MBD5: variants seen among roughly 807,000 people sequenced by gnomAD.
MBD5 encodes methyl-CpG binding domain protein 5.
Under a neutral mutation model 117.3 loss-of-function variants are expected in MBD5, and 13 were observed. The observed-to-expected ratio is 0.11, with a 90% confidence interval of 0.07 to 0.18. The LOEUF (loss-of-function observed/expected upper bound fraction) is 0.18, where lower values mean the gene tolerates loss of function less well. MBD5 is among the 10% of genes least tolerant of loss of function. MBD5 has a pLI of 1.00. For synonymous variants in MBD5, 727 were observed against 766.4 expected, an observed-to-expected ratio of 0.95 and a Z score of 0.85; for missense variants, 1,879 against 2,093.8, an observed-to-expected ratio of 0.90 and a Z score of 2.00.
rs894897396 is a variant in MBD5, at chr2:148,024,745, A to G, written c.-925+3061A>G. Among the ~76,000 whole-genome samples the G allele has an allele frequency of 6.6e-5, 10 of 152,340 alleles. No individual in the cohort carries two copies. The East Asian group carries it at 1.5e-3, about 23-fold the overall frequency. On this transcript the variant is annotated intron_variant, in intron 1 of 13. Coordinates refer to ENST00000642680, the MANE Select transcript of MBD5 (RefSeq NM_001378120.1). ...AACAAGACATATTCCCTTCTTATAC[A>G]GGAAGCAGTTTGGCAAAAGTGATAT...
chr2:148,328,931 A>C (rs1702554369), intron 3 of MBD5, among the ~76,000 whole-genome samples: 1 of 152,184 alleles, frequency 6.6e-6, no homozygotes, highest in Non-Finnish European at 1.5e-5. Context: ...TATCATTCTT[A>C]TTTCATTGTT....
intron 1 of MBD5, among the ~76,000 whole-genome samples, chr2:148,112,640 A>T (rs958308050): frequency 6.6e-6 from 1 of 152,176 alleles, no homozygotes. Context: ...TTAAATGCTT[A>T]TTGTTGAATC....
At chr2:148,154,732 G>A (rs2105696474) in intron 1 of MBD5, among the ~76,000 whole-genome samples, 1 of 152,292 alleles carries the variant, frequency 6.6e-6, no homozygotes, top group African/African-American at 2.4e-5. Flanking sequence ...GACTGGGAAA[G>A]GGAACTCCCT....
intron 1 of MBD5, among the ~76,000 whole-genome samples, chr2:148,111,688 C>CAG (rs1441650146): frequency 6.6e-6 from 1 of 151,994 alleles, no homozygotes; most frequent in Non-Finnish European, 1.5e-5. Flanking sequence ...TATATTTTCA[C>CAG]AGTGTGTGCA....
intron 6 of MBD5, 113 bp from the exon 7 acceptor site, chr2:148,463,626 G>C (rs1398798845): frequency 2.3e-6 from 3 of 1,311,040 alleles, no homozygotes; most frequent in Non-Finnish European, 3.2e-6. Flanking sequence ...ACTTGAGAAA[G>C]TTTTATTCAG....
At chr2:148,434,339 G>A (rs778509997) in intron 4 of MBD5, among the ~76,000 whole-genome samples, 3 of 151,818 alleles carry the variant, frequency 2.0e-5, no homozygotes, top group African/African-American at 2.4e-5. Context: ...GGATTCGTTC[G>A]TATTTTGTAT....
At chr2:148,438,587 C>T (rs1307252605) in intron 4 of MBD5, among the ~76,000 whole-genome samples, 1 of 151,922 alleles carries the variant, frequency 6.6e-6, no homozygotes, top group Non-Finnish European at 1.5e-5. Context: ...CAGAGTTTTC[C>T]AGAGAGAGAG....
At position 148,374,222 on chromosome 2, in the gene MBD5, A is replaced by T. The variant is rs536621084; in HGVS notation, c.-557+31886A>T. On this transcript the variant is annotated intron_variant, in intron 4 of 13. Coordinates refer to ENST00000642680, the MANE Select transcript of MBD5 (RefSeq NM_001378120.1). The stretch of plus-strand genomic sequence containing the variant: ...CACAAAGCCCATTTCCTTATTCCAA[A>T]CTAAATATGTTTATGCATACACACA... Among the ~76,000 whole-genome samples, 4 of 148,844 alleles carry T rather than the reference A, an allele frequency of 2.7e-5. No individual in the cohort carries two copies. In the South Asian group the frequency reaches 8.5e-4, roughly 32 times the overall value.
chr2:148,435,074 A>G (rs1441924149), intron 4 of MBD5, among the ~76,000 whole-genome samples: 1 of 152,060 alleles, frequency 6.6e-6, no homozygotes, highest in Admixed American at 6.6e-5. Context: ...AAATTGGAGT[A>G]GCAACCTCTG....
chr2:148,405,486 C>G (rs937291885), intron 4 of MBD5, among the ~76,000 whole-genome samples: 24 of 152,060 alleles, frequency 1.6e-4, no homozygotes, highest in African/African-American at 5.6e-4. Context: ...AACGGAACAG[C>G]AACTGCAGAA....
intron 1 of MBD5, among the ~76,000 whole-genome samples, chr2:148,034,353 C>T (rs1477070983): frequency 1.3e-5 from 2 of 152,112 alleles, no homozygotes; most frequent in African/African-American, 2.4e-5. Context: ...TTTAGCGAAG[C>T]GTATTCCAAG....
At chr2:148,216,814 C>T (rs749670484) in intron 2 of MBD5, among the ~76,000 whole-genome samples, 3 of 152,124 alleles carry the variant, frequency 2.0e-5, no homozygotes, top group Non-Finnish European at 4.4e-5. Context: ...TTCCGCTGAC[C>T]CTCAGCACCA....
chr2:148,443,819 C>T (rs115093661), intron 4 of MBD5, among the ~76,000 whole-genome samples: 2,971 of 150,910 alleles, frequency 0.02, 251 homozygotes, highest in African/African-American at 0.07. Context: ...ATGAATAAGA[C>T]GGAGTATTTG....
intron 3 of MBD5, among the ~76,000 whole-genome samples, chr2:148,312,048 G>A (rs1004413486): frequency 2.6e-5 from 4 of 152,150 alleles, no homozygotes; most frequent in African/African-American, 9.7e-5. Flanking sequence ...CCCTTTGTGG[G>A]TAACTTGACC....
At chr2:148,430,819 A>C (rs1343397278) in intron 4 of MBD5, among the ~76,000 whole-genome samples, 5 of 152,148 alleles carry the variant, frequency 3.3e-5, no homozygotes, top group Non-Finnish European at 7.4e-5. Flanking sequence ...TCTCACTCAC[A>C]AACAATTAAG....
chr2:148,507,872 A>G (rs1305699600), intron 12 of MBD5, among the ~76,000 whole-genome samples: 4 of 152,176 alleles, frequency 2.6e-5, no homozygotes, highest in Non-Finnish European at 4.4e-5. Context: ...GTTTTTCATT[A>G]AAACATTGTA....
intron 3 of MBD5, among the ~76,000 whole-genome samples, chr2:148,287,788 C>T (rs1028369427): frequency 6.6e-6 from 1 of 152,072 alleles, no homozygotes; most frequent in African/African-American, 2.4e-5. Flanking sequence ...CTCACTCTCA[C>T]AATAATGAAA....
intron 1 of MBD5, among the ~76,000 whole-genome samples, chr2:148,124,464 G>C (rs959888507): frequency 3.9e-5 from 6 of 151,968 alleles, no homozygotes; most frequent in Admixed American, 3.9e-4. Flanking sequence ...TGTGGTCCCA[G>C]TTACTCATGA....
At chr2:148,430,772 T>C (rs1705960450) in intron 4 of MBD5, among the ~76,000 whole-genome samples, 2 of 152,134 alleles carry the variant, frequency 1.3e-5, no homozygotes, top group Non-Finnish European at 2.9e-5. Flanking sequence ...AACCTTAAAC[T>C]CTAAACAACT....
Sources: allele counts gnomAD v4.1 joint callset (sites outside exome capture counted in the v4.1 genomes callset), GRCh38; gene constraint gnomAD v4.1.1; transcripts MANE v1.5; gene names NCBI Gene and HGNC (gene_info 2026-07-23, HGNC 2026-07-21).